The following NELL2 variants were observed in gnomAD, a reference collection of about 807,000 sequenced individuals.
The protein encoded by NELL2 is neural EGFL like 2, also known as protein kinase C-binding protein NELL2.
Under a neutral mutation model 109.6 loss-of-function variants are expected in NELL2, and 41 were observed. The ratio of observed to expected loss-of-function variants is 0.37; its 90% confidence interval spans 0.29 to 0.49. The LOEUF (loss-of-function observed/expected upper bound fraction) is 0.49, where lower values mean the gene tolerates loss of function less well. Among genes scored for constraint, NELL2 ranks in the 20% least tolerant of loss-of-function variants. NELL2 has a pLI of 0.98. For missense variants in NELL2, 900 were observed against 1,008.3 expected, an observed-to-expected ratio of 0.89 and a Z score of 1.45; for synonymous variants, 355 against 344.7, an observed-to-expected ratio of 1.03 and a Z score of -0.33.
At chr12:44,743,304 C>A (rs530321562) in intron 9 of NELL2, among the ~76,000 whole-genome samples, 10 of 152,240 alleles carry the variant, frequency 6.6e-5, no homozygotes, top group Admixed American at 5.2e-4. Flanking sequence ...GAAGGAAGCA[C>A]TAAACATGGA....
At chr12:44,914,588 C>A (rs932709983), upstream of NELL2, among the ~76,000 whole-genome samples, 2 of 152,122 alleles carry the variant, frequency 1.3e-5, no homozygotes, top group South Asian at 4.1e-4. Flanking sequence ...CTCATTGTGT[C>A]TCTTCAATAG....
At chr12:44,673,701 G>C (rs1337876317) in intron 12 of NELL2, among the ~76,000 whole-genome samples, 2 of 152,174 alleles carry the variant, frequency 1.3e-5, no homozygotes, top group East Asian at 3.9e-4. Flanking sequence ...TCCAGGAAAT[G>C]GATGATGATC....
chr12:44,873,665 A>G (rs1267302581), intron 2 of NELL2, among the ~76,000 whole-genome samples: 1 of 152,024 alleles, frequency 6.6e-6, no homozygotes, highest in East Asian at 1.9e-4. Flanking sequence ...TCGAATTGGC[A>G]GTCCTGAAAT....
At chr12:44,909,348 G>A (rs1945754229) in intron 1 of NELL2, among the ~76,000 whole-genome samples, 1 of 148,940 alleles carries the variant, frequency 6.7e-6, no homozygotes, top group South Asian at 2.1e-4. Context: ...ACACACACAA[G>A]AAAATACCTA....
At chr12:44,608,345 C>T (rs549164580) in intron 14 of NELL2, among the ~76,000 whole-genome samples, 6 of 152,084 alleles carry the variant, frequency 3.9e-5, no homozygotes, top group Admixed American at 2.0e-4. Context: ...CATTTGGCTT[C>T]TTTGGTTTAA....
rs917415227 is a variant in NELL2, at chr12:44,563,392, C to A, written c.1664-30671G>T. 2.0e-5 allele frequency among the ~76,000 whole-genome samples: 3 copies of A among 151,836 alleles called. No individual in the cohort carries two copies. In the East Asian group the frequency reaches 5.8e-4, roughly 29 times the overall value. On this transcript the variant is annotated intron_variant, in intron 15 of 19. Coordinates refer to ENST00000429094, the MANE Select transcript of NELL2 (RefSeq NM_001145108.2). ...GGTGATTTTTTTTCTTTTTCTCTTG[C>A]CTTTGCCACCAGCAAAATTCTAAAT... is the stretch of plus-strand genomic sequence containing the variant.
chr12:44,807,100 C>T (rs190422439), intron 3 of NELL2, among the ~76,000 whole-genome samples: 10 of 151,310 alleles, frequency 6.6e-5, no homozygotes, highest in Middle Eastern at 3.4e-3. Flanking sequence ...AAAAAATCTA[C>T]GAGGAAGATA....
chr12:44,684,408 T>C (rs1362741495), intron 12 of NELL2, among the ~76,000 whole-genome samples: 2 of 152,174 alleles, frequency 1.3e-5, no homozygotes, highest in Non-Finnish European at 2.9e-5. Flanking sequence ...TTTTTGTGTC[T>C]CTATTTCCTT....
chr12:44,511,809 C>A (rs1336764109), intron 19 of NELL2, among the ~76,000 whole-genome samples: 3 of 152,016 alleles, frequency 2.0e-5, no homozygotes, highest in Non-Finnish European at 4.4e-5. Context: ...TCTCTCACCA[C>A]CTATAAAAAA....
upstream of NELL2, among the ~76,000 whole-genome samples, chr12:44,915,531 C>T (rs1336429439): frequency 1.3e-5 from 2 of 152,102 alleles, no homozygotes; most frequent in Non-Finnish European, 2.9e-5. Flanking sequence ...AAAGAATTCC[C>T]CTCTCGAGTC....
intron 3 of NELL2, among the ~76,000 whole-genome samples, chr12:44,800,382 A>G (rs1020007287): frequency 6.6e-6 from 1 of 152,146 alleles, no homozygotes; most frequent in Non-Finnish European, 1.5e-5. Context: ...GACGAGAGAG[A>G]GAGAGAGTCC....
intron 2 of NELL2, 92 bp downstream of exon 2, chr12:44,875,133 G>A (rs1045354044): frequency 1.3e-6 from 2 of 1,492,184 alleles, no homozygotes; most frequent in Non-Finnish European, 1.8e-6. Flanking sequence ...TCATCCATGA[G>A]GCAATACAAA....
chr12:44,809,404 ACTATAAT>A (rs1943102778), intron 3 of NELL2, among the ~76,000 whole-genome samples: 2 of 152,086 alleles, frequency 1.3e-5, no homozygotes, highest in Non-Finnish European at 2.9e-5. Context: ...TAGTCAGAAA[ACTATAAT>A]AATGAGAGAA....
At chr12:44,757,201 A>T in intron 9 of NELL2, among the ~76,000 whole-genome samples, 1 of 152,068 alleles carries the variant, frequency 6.6e-6, no homozygotes, top group East Asian at 1.9e-4. Context: ...ATACGAATCC[A>T]TTTGCTTCTT....
intron 9 of NELL2, among the ~76,000 whole-genome samples, chr12:44,723,867 T>G (rs987055311): frequency 6.6e-6 from 1 of 152,056 alleles, no homozygotes; most frequent in Non-Finnish European, 1.5e-5. Context: ...CAACTACCAT[T>G]CAACCCAGCA....
intron 15 of NELL2, among the ~76,000 whole-genome samples, chr12:44,604,983 G>T (rs1592193962): frequency 6.6e-6 from 1 of 152,238 alleles, no homozygotes; most frequent in Admixed American, 6.5e-5. Flanking sequence ...CCTGATGACT[G>T]GCTTAGAAGA....
chr12:44,523,783 T>C, intron 16 of NELL2: 1 of 357,768 alleles, frequency 2.8e-6, no homozygotes, highest in South Asian at 3.5e-5. Flanking sequence ...AGAGTAAGAA[T>C]ATGACTCAAT....
intron 9 of NELL2, among the ~76,000 whole-genome samples, chr12:44,761,628 C>A (rs1419330745): frequency 6.6e-6 from 1 of 152,134 alleles, no homozygotes; most frequent in Non-Finnish European, 1.5e-5. Flanking sequence ...GTCCATCAAT[C>A]CAGCCCATCA....
At chr12:44,528,648 C>G (rs1403516341) in intron 16 of NELL2, among the ~76,000 whole-genome samples, 4 of 152,200 alleles carry the variant, frequency 2.6e-5, no homozygotes, top group Admixed American at 2.6e-4. Flanking sequence ...CAAGCAAACA[C>G]AAACTATGAC....
Sources: allele counts gnomAD v4.1 joint callset (sites outside exome capture counted in the v4.1 genomes callset), GRCh38; gene constraint gnomAD v4.1.1; transcripts MANE v1.5; gene names NCBI Gene and HGNC (gene_info 2026-07-23, HGNC 2026-07-21).